CDH2: variants seen among roughly 807,000 people sequenced by gnomAD.
The protein encoded by CDH2 is cadherin 2, also known as cadherin-2.
In CDH2, 17 loss-of-function variants were observed where a neutral mutation model predicts 92.0. That is an observed-to-expected ratio of 0.18 (90% CI 0.13 to 0.28). The LOEUF (loss-of-function observed/expected upper bound fraction) is 0.28. Ranked by LOEUF, CDH2 falls within the 10% of genes least tolerant of loss-of-function variation. CDH2 has a pLI of 1.00. For missense variants in CDH2, 862 were observed against 1,133.1 expected, an observed-to-expected ratio of 0.76 and a Z score of 3.44; for synonymous variants, 419 against 415.9, an observed-to-expected ratio of 1.01 and a Z score of -0.09.
intron 7 of CDH2, 58 bp downstream of exon 7, chr18:28,002,936 TATG>T: frequency 7.3e-7 from 1 of 1,374,248 alleles, no homozygotes; most frequent in Non-Finnish European, 1.0e-6. Flanking sequence ...ATGTATGTGA[TATG>T]ATATTGTGCA....
At chr18:27,979,679 A>G (rs1211373193) in intron 14 of CDH2, among the ~76,000 whole-genome samples, 4 of 152,232 alleles carry the variant, frequency 2.6e-5, no homozygotes, top group Non-Finnish European at 4.4e-5. Flanking sequence ...TCACAGGTAC[A>G]ATGTTGAGTA....
At chr18:28,024,023 A>G (rs1261170687) in intron 2 of CDH2, among the ~76,000 whole-genome samples, 1 of 152,128 alleles carries the variant, frequency 6.6e-6, no homozygotes, top group Non-Finnish European at 1.5e-5. Flanking sequence ...ATGGCTTTTA[A>G]AACTTGATCA....
intron 2 of CDH2, among the ~76,000 whole-genome samples, chr18:28,143,755 C>G (rs573431044): frequency 6.6e-6 from 1 of 151,956 alleles, no homozygotes; most frequent in South Asian, 2.1e-4. Context: ...AATTCCAGAT[C>G]TGCTGCTAAC....
At chr18:28,161,585 A>G (rs1415244638) in intron 1 of CDH2, among the ~76,000 whole-genome samples, 1 of 151,354 alleles carries the variant, frequency 6.6e-6, no homozygotes, top group Non-Finnish European at 1.5e-5. Flanking sequence ...GTCTCGAAAA[A>G]AAAAAAAAAA....
At chr18:27,975,349 C>A (rs1387542254) in intron 14 of CDH2, among the ~76,000 whole-genome samples, 1 of 152,332 alleles carries the variant, frequency 6.6e-6, no homozygotes, top group Non-Finnish European at 1.5e-5. Context: ...TTCAGTCTCT[C>A]ACAAGTTAAC....
At chr18:28,024,974 T>C (rs1196258594) in intron 2 of CDH2, among the ~76,000 whole-genome samples, 1 of 152,136 alleles carries the variant, frequency 6.6e-6, no homozygotes, top group Admixed American at 6.5e-5. Context: ...AAACAGTAAA[T>C]GATAAAATTT....
At chr18:27,970,823 C>T (rs1000340543) in intron 14 of CDH2, among the ~76,000 whole-genome samples, 4 of 152,152 alleles carry the variant, frequency 2.6e-5, no homozygotes, top group African/African-American at 9.7e-5. Flanking sequence ...TTCAACTCTG[C>T]TGTTGCTGCA....
intron 6 of CDH2, among the ~76,000 whole-genome samples, chr18:27,937,043 T>C (rs1479565674): frequency 6.6e-6 from 1 of 152,202 alleles, no homozygotes; most frequent in African/African-American, 2.4e-5. Context: ...ATTCAAAATA[T>C]GAGTAAACTT....
intron 6 of CDH2, among the ~76,000 whole-genome samples, chr18:27,941,829 C>T (rs879765411): frequency 1.3e-5 from 2 of 152,168 alleles, no homozygotes; most frequent in Non-Finnish European, 2.9e-5. Context: ...TAGGATCTAT[C>T]ACTTCCAGGC....
At chr18:28,027,597 A>G (rs937860811) in intron 2 of CDH2, among the ~76,000 whole-genome samples, 1 of 152,158 alleles carries the variant, frequency 6.6e-6, no homozygotes, top group Admixed American at 6.6e-5. Context: ...TATAAAATTT[A>G]GCTTTCAGTA....
chr18:28,055,559 T>C (rs946582834), intron 2 of CDH2, among the ~76,000 whole-genome samples: 19 of 152,324 alleles, frequency 1.2e-4, no homozygotes, highest in African/African-American at 4.3e-4. Flanking sequence ...AGGATACGTT[T>C]CTGTCTGTAT....
At chr18:28,117,226 G>A (rs974120156) in intron 2 of CDH2, among the ~76,000 whole-genome samples, 4 of 152,134 alleles carry the variant, frequency 2.6e-5, no homozygotes, top group Non-Finnish European at 5.9e-5. Flanking sequence ...AAGATTAACT[G>A]AGACTGGATA....
At chr18:28,152,196 T>C (rs2016134022) in intron 1 of CDH2, among the ~76,000 whole-genome samples, 1 of 152,174 alleles carries the variant, frequency 6.6e-6, no homozygotes, top group Non-Finnish European at 1.5e-5. Context: ...ATTTTGCTAA[T>C]GAGCAAATCG....
At chr18:27,946,308 A>T (rs1277962217), downstream of CDH2, among the ~76,000 whole-genome samples, 2 of 152,080 alleles carry the variant, frequency 1.3e-5, no homozygotes, top group African/African-American at 4.8e-5. Context: ...TAGAATAATA[A>T]TATTTGACTA....
chr18:27,987,694 A>C (rs1210689931), intron 11 of CDH2, among the ~76,000 whole-genome samples: 1 of 152,238 alleles, frequency 6.6e-6, no homozygotes, highest in Admixed American at 6.5e-5. Context: ...CGTGTCAGCC[A>C]CTGTTTCAAA....
At chr18:27,940,784 T>C (rs1187973435) in intron 6 of CDH2, among the ~76,000 whole-genome samples, 1 of 152,170 alleles carries the variant, frequency 6.6e-6, no homozygotes. Context: ...AAAATAGCAG[T>C]TTGTCACACC....
chr18:28,069,245 GGTTT>G (rs1195004255), intron 2 of CDH2, among the ~76,000 whole-genome samples: 6 of 152,034 alleles, frequency 3.9e-5, no homozygotes, highest in Non-Finnish European at 7.4e-5. Flanking sequence ...ACCTTTCCTT[GGTTT>G]GTTTATGTAG....
intron 6 of CDH2, 75 bp from the exon 7 acceptor site, chr18:28,003,244 G>A: frequency 9.3e-7 from 1 of 1,074,978 alleles, no homozygotes; most frequent in Non-Finnish European, 1.4e-6. Context: ...TATATTTATT[G>A]TTTTGATATG....
At chr18:27,967,892 A>T (rs2011568231) in intron 14 of CDH2, among the ~76,000 whole-genome samples, 1 of 152,212 alleles carries the variant, frequency 6.6e-6, no homozygotes, top group Non-Finnish European at 1.5e-5. Flanking sequence ...TGCTACAATA[A>T]AATAAAATGT....
Sources: allele counts gnomAD v4.1 joint callset (sites outside exome capture counted in the v4.1 genomes callset), GRCh38; gene constraint gnomAD v4.1.1; transcripts MANE v1.5; gene names NCBI Gene and HGNC (gene_info 2026-07-23, HGNC 2026-07-21).